The following NUP133 variants were observed in gnomAD, a reference collection of about 807,000 sequenced individuals.
NUP133 encodes nucleoporin 133.
Under a neutral mutation model 146.2 loss-of-function variants are expected in NUP133, and 66 were observed. The ratio of observed to expected loss-of-function variants is 0.45; its 90% CI spans 0.37 to 0.55. NUP133 has a LOEUF of 0.55. Among genes scored for constraint, NUP133 ranks in the 20% least tolerant of loss-of-function variants. The probability of loss-of-function intolerance (pLI) is 0.00; values close to 1 mark genes in which losing one functional copy is unlikely to be tolerated. For synonymous variants in NUP133, 521 were observed against 498.8 expected (o/e 1.04, Z -0.59); for missense variants, 1,277 against 1,374.8 (o/e 0.93, Z 1.12).
intron 12 of NUP133, among the ~76,000 whole-genome samples, chr1:229,483,512 C>T (rs901342447): frequency 1.3e-5 from 2 of 151,900 alleles, no homozygotes; most frequent in African/African-American, 4.8e-5. Flanking sequence ...TGAGACTAGC[C>T]TGGCCAACAT....
chr1:229,454,189 A>C (rs191510602), intron 21 of NUP133, among the ~76,000 whole-genome samples: 1 of 152,242 alleles, frequency 6.6e-6, no homozygotes, highest in African/African-American at 2.4e-5. Flanking sequence ...TCTCCATTGG[A>C]TGAGGTAACA....
chr1:229,496,102 A>C (rs1215207868), intron 6 of NUP133, 55 bp from the exon 7 acceptor site: 1 of 1,357,462 alleles, frequency 7.4e-7, no homozygotes, highest in Non-Finnish European at 9.8e-7. Flanking sequence ...AATGCTAAGG[A>C]ACTATTGTTT....
intron 21 of NUP133, among the ~76,000 whole-genome samples, chr1:229,454,426 T>C (rs1462180287): frequency 6.6e-6 from 1 of 152,248 alleles, no homozygotes; most frequent in East Asian, 1.9e-4. Context: ...TGTCCATTTC[T>C]GTACCTAGAA....
At chr1:229,443,173 C>T (rs1215905189) in intron 25 of NUP133, among the ~76,000 whole-genome samples, 2 of 151,364 alleles carry the variant, frequency 1.3e-5, no homozygotes, top group Non-Finnish European at 2.9e-5. Flanking sequence ...GTAGCAGGGA[C>T]TATAGGCATG....
chr1:229,468,029 T>A (rs1024986186), intron 15 of NUP133, among the ~76,000 whole-genome samples: 1 of 152,176 alleles, frequency 6.6e-6, no homozygotes, highest in African/African-American at 2.4e-5. Context: ...ATGTATATAT[T>A]CAGTGATTTC....
At chr1:229,462,141 C>T (rs1342896691) in intron 19 of NUP133, among the ~76,000 whole-genome samples, 3 of 152,248 alleles carry the variant, frequency 2.0e-5, no homozygotes, top group Non-Finnish European at 2.9e-5. Context: ...ACCTCGGCCT[C>T]CCAAAGTGCT....
intron 13 of NUP133, 96 bp downstream of exon 13, chr1:229,477,501 G>T: frequency 2.1e-4 from 159 of 745,946 alleles, no homozygotes; most frequent in Non-Finnish European, 2.8e-4. Flanking sequence ...ATATTAAATT[G>T]TTTGAGAAGC....
At chr1:229,499,128 G>A (rs1304029013) in intron 5 of NUP133, 4 of 463,324 alleles carry the variant, frequency 8.6e-6, no homozygotes, top group African/African-American at 6.0e-5. Flanking sequence ...TTGAACTCCT[G>A]GCCTCAGGCA....
At chr1:229,506,756 A>T (rs912246459) in intron 1 of NUP133, among the ~76,000 whole-genome samples, 1 of 151,474 alleles carries the variant, frequency 6.6e-6, no homozygotes, top group Non-Finnish European at 1.5e-5. Context: ...AAAAAATTTT[A>T]AATTAGCCGG....
intron 9 of NUP133, among the ~76,000 whole-genome samples, chr1:229,488,118 T>TTACAGGCG: frequency 6.6e-6 from 1 of 152,274 alleles, no homozygotes; most frequent in South Asian, 2.1e-4. Context: ...AGTGCTGGGA[T>TTACAGGCG]TACAGGCGTG....
intron 24 of NUP133, among the ~76,000 whole-genome samples, chr1:229,448,114 G>T (rs1413019333): frequency 1.3e-5 from 2 of 152,176 alleles, no homozygotes; most frequent in Non-Finnish European, 2.9e-5. Flanking sequence ...ACCAACGTTG[G>T]GAAGTTACCT....
intron 14 of NUP133, among the ~76,000 whole-genome samples, chr1:229,474,886 T>C (rs1179999598): frequency 6.6e-6 from 1 of 152,118 alleles, no homozygotes; most frequent in Non-Finnish European, 1.5e-5. Flanking sequence ...AGTGATTTCT[T>C]GAGCCCAGGA....
intron 12 of NUP133, 123 bp from the exon 13 acceptor site, chr1:229,477,883 A>G (rs1027008916): frequency 9.3e-5 from 63 of 675,736 alleles, no homozygotes; most frequent in Non-Finnish European, 1.5e-4. Flanking sequence ...GTCATTCGCA[A>G]CAGTAGGGAT....
intron 14 of NUP133, among the ~76,000 whole-genome samples, chr1:229,471,261 C>A (rs1035768238): frequency 6.6e-6 from 1 of 152,066 alleles, no homozygotes; most frequent in East Asian, 1.9e-4. Context: ...CACGCCACCA[C>A]AACAGGATAA....
intron 12 of NUP133, among the ~76,000 whole-genome samples, chr1:229,483,103 C>A (rs1310093381): frequency 1.3e-5 from 2 of 152,088 alleles, no homozygotes; most frequent in Non-Finnish European, 2.9e-5. Flanking sequence ...AGGTCTAATT[C>A]TTTTGCTTTT....
intron 24 of NUP133, among the ~76,000 whole-genome samples, chr1:229,445,529 G>C (rs555066174): frequency 2.0e-5 from 3 of 152,096 alleles, no homozygotes; most frequent in Non-Finnish European, 4.4e-5. Flanking sequence ...TATGTTCCCA[G>C]GCTGGTCTTG....
chr1:229,501,698 T>C (rs936853997), intron 3 of NUP133, among the ~76,000 whole-genome samples: 41 of 152,232 alleles, frequency 2.7e-4, no homozygotes, highest in Non-Finnish European at 1.2e-4. Context: ...CTTATGTGGA[T>C]AGCATTTAGT....
intron 8 of NUP133, 49 bp from the exon 9 acceptor site, chr1:229,490,151 G>C: frequency 7.0e-7 from 1 of 1,426,802 alleles, no homozygotes; most frequent in Non-Finnish European, 9.3e-7. Flanking sequence ...AAACAACTTA[G>C]GAGTTTCCTA....
At chr1:229,504,055 C>T (rs983814568) in intron 2 of NUP133, among the ~76,000 whole-genome samples, 1 of 151,712 alleles carries the variant, frequency 6.6e-6, no homozygotes, top group Non-Finnish European at 1.5e-5. Context: ...AACAACTATC[C>T]CTAAAGCTCC....
Sources: allele counts gnomAD v4.1 joint callset (sites outside exome capture counted in the v4.1 genomes callset), GRCh38; gene constraint gnomAD v4.1.1; transcripts MANE v1.5; gene names NCBI Gene and HGNC (gene_info 2026-07-23, HGNC 2026-07-21).